Variants in DNASE1 observed in about 807,000 individuals in gnomAD.
DNASE1 encodes the protein deoxyribonuclease 1, also known as deoxyribonuclease-1.
In DNASE1, 40 loss-of-function variants were observed where a neutral mutation model predicts 33.9. The observed-to-expected ratio is 1.18, with a 90% CI of 0.92 to 1.54. DNASE1 has a LOEUF of 1.54. Among genes scored for constraint, DNASE1 ranks in the 40% most tolerant of loss-of-function variants. DNASE1 has a pLI of 0.00. For missense variants in DNASE1, 518 were observed against 372.6 expected, an observed-to-expected ratio of 1.39 and a Z score of -3.21; for synonymous variants, 216 against 160.0, an observed-to-expected ratio of 1.35 and a Z score of -2.64.
upstream of DNASE1, among the ~76,000 whole-genome samples, chr16:3,640,075 G>C (rs1399475165): frequency 7.2e-5 from 11 of 152,286 alleles, no homozygotes; most frequent in African/African-American, 2.6e-4. Context: ...TATTACTAAG[G>C]GTGATGGCCT....
At chr16:3,654,530 C>T (rs1398282614), upstream of DNASE1, 2 of 398,608 alleles carry the variant, frequency 5.0e-6, no homozygotes, top group Non-Finnish European at 8.8e-6. Flanking sequence ...AGACAAGAGA[C>T]AGGGAGACTG....
upstream of DNASE1, chr16:3,641,007 G>T (rs2042010133): frequency 2.5e-6 from 1 of 398,640 alleles, no homozygotes; most frequent in South Asian, 1.3e-4. Context: ...ACTCGGATGT[G>T]GTCACTCTGG....
At chr16:3,647,266 T>G (rs1450782171) in intron 1 of DNASE1, among the ~76,000 whole-genome samples, 1 of 150,952 alleles carries the variant, frequency 6.6e-6, no homozygotes, top group East Asian at 1.9e-4. Context: ...CATGGGATTT[T>G]TTTTTTTTTT....
intron 1 of DNASE1, among the ~76,000 whole-genome samples, chr16:3,621,523 A>T (rs1389141245): frequency 6.6e-6 from 1 of 152,190 alleles, no homozygotes; most frequent in Non-Finnish European, 1.5e-5. Context: ...AATATTCCAG[A>T]TAATTCTGTG....
intron 5 of DNASE1, 54 bp downstream of exon 5, chr16:3,656,807 C>T (rs1424615078): frequency 1.3e-6 from 2 of 1,553,506 alleles, no homozygotes; most frequent in African/African-American, 1.4e-5. Context: ...TGGCCTCCAC[C>T]CCCTCCTAGG....
Position 3,645,709 on chromosome 16 carries a change from C to T in DNASE1, c.-86+2673C>T, listed in dbSNP as rs533980074. Among the ~76,000 whole-genome samples the T allele has an allele frequency of 1.4e-4, 21 of 152,330 alleles. 1 individual carries two copies. In the East Asian group the frequency reaches 3.8e-3, roughly 28 times the overall value. ...GAAGGGGCGGTCTGCTGCCTGCTGC[C>T]TGCTGAGCGTGACTGTGCAGCTGTT... is the stretch of plus-strand genomic sequence containing the variant. On this transcript the variant is annotated intron_variant, in intron 1 of 9. Transcript: ENST00000407479.
chr16:3,628,775 G>A (rs979026723), intron 1 of DNASE1, among the ~76,000 whole-genome samples: 4 of 148,564 alleles, frequency 2.7e-5, no homozygotes, highest in African/African-American at 9.8e-5. Flanking sequence ...TAGCCAGGAT[G>A]GTCTCGATCT....
downstream of DNASE1, chr16:3,658,993 A>C (rs2042899802): frequency 1.7e-5 from 15 of 869,522 alleles, 1 homozygote; most frequent in South Asian, 2.6e-4. Flanking sequence ...TAAATAAGGT[A>C]TGTTAATGAT....
chr16:3,656,149 G>A lies in DNASE1; in HGVS notation c.284G>A (p.Arg95Gln), dbSNP rs190768401. Residue 95 changes from arginine (R) to glutamine (Q), a missense_variant, in exon 4 of 9, where the codon CGG becomes CAG. Arg to Gln is a conservative substitution (Grantham distance 43). Coordinates refer to ENST00000246949, the MANE Select transcript of DNASE1 (RefSeq NM_005223.4). ...YHYVVSEPLG[R>Q]NSYKERYLFV... ...TACGTGGTCAGTGAGCCACTGGGAC[G>A]GAACAGCTATAAGGAGCGCTACCTG... The A allele has an allele frequency of 8.7e-6, 14 of 1,614,102 alleles. No individual in the cohort carries two copies. Among genetic ancestry groups the A allele is most frequent in the Admixed American group, 6.7e-5 (4 of 60,028 alleles).
intron 1 of DNASE1, among the ~76,000 whole-genome samples, chr16:3,621,522 G>C (rs1039924240): frequency 6.6e-6 from 1 of 152,130 alleles, no homozygotes; most frequent in Non-Finnish European, 1.5e-5. Context: ...AAATATTCCA[G>C]ATAATTCTGT....
chr16:3,631,896 T>G (rs572370174), intron 1 of DNASE1, among the ~76,000 whole-genome samples: 1 of 152,338 alleles, frequency 6.6e-6, no homozygotes, highest in South Asian at 2.1e-4. Context: ...TAGGTTTTCT[T>G]TTTTCTTTTT....
chr16:3,619,564 T>C (rs34003431), intron 1 of DNASE1, among the ~76,000 whole-genome samples: 7 of 151,340 alleles, frequency 4.6e-5, no homozygotes, highest in Non-Finnish European at 8.8e-5. Context: ...GGTTTCACCG[T>C]GTTAGCCAGG....
chr16:3,659,757 ATAG>A (rs2042958829), downstream of DNASE1: 1 of 131,236 alleles, frequency 7.6e-6, no homozygotes, highest in Non-Finnish European at 1.8e-5. Flanking sequence ...TTTTAGATAG[ATAG>A]ATAGATAGAT....
chr16:3,627,471 C>T (rs1487390234), intron 1 of DNASE1, among the ~76,000 whole-genome samples: 3 of 151,882 alleles, frequency 2.0e-5, no homozygotes, highest in East Asian at 3.9e-4. Flanking sequence ...GAGACAAGGC[C>T]TCACTATGTT....
upstream of DNASE1, chr16:3,640,990 C>T (rs2151191416): frequency 2.5e-6 from 1 of 398,790 alleles, no homozygotes; most frequent in Non-Finnish European, 4.4e-6. Context: ...GCAGGCCCAA[C>T]AGGGCCACTC....
downstream of DNASE1, chr16:3,659,774 TAGATA>T (rs1212195129): frequency 1.3e-5 from 2 of 148,914 alleles, no homozygotes; most frequent in Non-Finnish European, 3.0e-5. Context: ...GATAGATAGA[TAGATA>T]GACTCTCACT....
intron 1 of DNASE1, among the ~76,000 whole-genome samples, chr16:3,612,549 CTT>C (rs35085629): frequency 1.4e-4 from 9 of 62,942 alleles, no homozygotes; most frequent in Admixed American, 2.4e-4. Context: ...CCGCTCACGG[CTT>C]TTTTTTTTTT....
intron 1 of DNASE1, among the ~76,000 whole-genome samples, chr16:3,616,223 T>G (rs2041098804): frequency 6.6e-6 from 1 of 152,232 alleles, no homozygotes; most frequent in South Asian, 2.1e-4. Context: ...AAGGGAGGTT[T>G]CAGACAGCAA....
intron 1 of DNASE1, among the ~76,000 whole-genome samples, chr16:3,622,263 C>T (rs1278636078): frequency 7.0e-6 from 1 of 143,322 alleles, no homozygotes; most frequent in Non-Finnish European, 1.5e-5. Flanking sequence ...ATTCCGTTAA[C>T]AATGAATGTC....
Sources: allele counts gnomAD v4.1 joint callset (sites outside exome capture counted in the v4.1 genomes callset), GRCh38; gene constraint gnomAD v4.1.1; transcripts MANE v1.5; gene names NCBI Gene and HGNC (gene_info 2026-07-23, HGNC 2026-07-21).